The following GOLGA8H variants were observed in gnomAD, a reference collection of about 807,000 sequenced individuals.
The protein encoded by GOLGA8H is golgin A8 family member H, also known as golgin subfamily A member 8H.
GOLGA8H carries 47 observed loss-of-function variants against 82.7 expected under a neutral mutation model. The ratio of observed to expected loss-of-function variants is 0.57; its 90% confidence interval spans 0.45 to 0.73. GOLGA8H has a LOEUF of 0.73. GOLGA8H is among the 30% of genes least tolerant of loss of function. GOLGA8H has a pLI of 0.00. For synonymous variants in GOLGA8H, 108 were observed against 241.6 expected (o/e 0.45, Z 5.13); for missense variants, 372 against 661.0 (o/e 0.56, Z 4.79).
Position 30,617,381 on chromosome 15 carries a change from T to C in GOLGA8H, c.*2820T>C, listed in dbSNP as rs968477869. 2 of 150,968 alleles carry C rather than the reference T, an allele frequency of 1.3e-5. No homozygotes were observed. The highest frequency in any genetic ancestry group is 4.9e-5 in the African/African-American group (2 of 41,060). 9.4% of individuals were successfully genotyped at this position (150,968 alleles called of 1,614,324 possible). A position where few individuals can be genotyped will look rare whatever the true frequency, so the allele number is the denominator to read the frequency against. The stretch of plus-strand genomic sequence containing the variant: ...AAAACCAAAGCTGATTTTAGAAAAT[T>C]TGAAAATGTAAATCAGCCCTATCCA... On this transcript the variant is annotated 3_prime_UTR_variant, in exon 19 of 19. Coordinates refer to ENST00000566740, the MANE Select transcript of GOLGA8H (RefSeq NM_001282490.2).
rs1362176322 is a variant in GOLGA8H at position 30,617,475 on chromosome 15, ACTG to A, written c.*2917_*2919del. The A allele has an allele frequency of 6.6e-6, 1 of 150,662 alleles. No homozygotes were observed. The highest frequency in any genetic ancestry group is 1.5e-5 in the Non-Finnish European group (1 of 67,688). The allele number at this position is 150,662 out of a possible 1,614,324, so 9.3% of individuals were successfully genotyped here. On this transcript the variant is annotated 3_prime_UTR_variant, in exon 19 of 19. Coordinates refer to ENST00000566740, the MANE Select transcript of GOLGA8H (RefSeq NM_001282490.2). ...AATAATATAACTATTAAAAAATGTAACTGCTATCTTAATGTTCTGAAATAATTT... is the reference window on the plus strand; with the variant it reads ...AATAATATAACTATTAAAAAATGTAACTATCTTAATGTTCTGAAATAATTT...
rs774702574 is a variant in GOLGA8H at position 30,612,608 on chromosome 15, A to T, written c.1212A>T (p.Glu404Asp). The change falls in exon 14 of 19, where the codon GAA (glutamate) becomes GAT (aspartate). Residue 404 changes from glutamate to aspartate, a missense_variant. Glu to Asp is a conservative substitution (Grantham distance 45). Coordinates refer to ENST00000566740, the MANE Select transcript of GOLGA8H (RefSeq NM_001282490.2). ...TCCTGGCCCCTTAGGAGCACCTGGAAGCTGCCAGCCAGCAGAACCAGCAGC... is the reference window on the plus strand; with the variant it reads ...TCCTGGCCCCTTAGGAGCACCTGGATGCTGCCAGCCAGCAGAACCAGCAGC... The part of the protein sequence containing the change: ...LQEKLGEEHL[E>D]AASQQNQQLT... 2 of 1,595,144 alleles carry T rather than the reference A, an allele frequency of 1.3e-6. No homozygotes were observed. The highest frequency in any genetic ancestry group is 2.2e-5 in the South Asian group (2 of 90,118).
rs2140865230 is a variant in GOLGA8H at position 30,617,569 on chromosome 15, A to G, written c.*3008A>G. ...AAATGGTGGGAACGAAAAGCAGAGA[A>G]AGAAATGCCAATTCCAGTCCAAAGT... On this transcript the variant is annotated 3_prime_UTR_variant, in exon 19 of 19. Transcript: ENST00000566740. The G allele has an allele frequency of 1.3e-5, 2 of 151,640 alleles. No individual in the cohort carries two copies. The highest frequency in any genetic ancestry group is 1.3e-4 in the Admixed American group (2 of 15,210). The allele number at this position is 151,640 out of a possible 1,614,324, so 9.4% of individuals were successfully genotyped here.
At position 30,609,984 on chromosome 15, in the gene GOLGA8H, T is replaced by C; in HGVS notation, c.679-15T>C. The C allele has an allele frequency of 6.2e-7, 1 of 1,610,610 alleles. No homozygotes were observed. The highest frequency in any genetic ancestry group is 8.5e-7 in the Non-Finnish European group (1 of 1,179,124). ...CAGTGACAGCCCTTCCTAAGTTCTG[T>C]GCCCATTCTTGCAGTTGAAGGAGTC... On this transcript the variant is annotated splice_polypyrimidine_tract_variant and intron_variant, in intron 9 of 18. Coordinates refer to ENST00000566740, the MANE Select transcript of GOLGA8H (RefSeq NM_001282490.2).
At position 30,604,039 on chromosome 15, in the gene GOLGA8H, T is replaced by TG; in HGVS notation, c.-86dup. The TG allele has an allele frequency of 7.1e-7, 1 of 1,402,576 alleles. No individual in the cohort carries two copies. The highest frequency in any genetic ancestry group is 1.2e-5 in the South Asian group (1 of 85,204). The allele number at this position is 1,402,576 out of a possible 1,614,324, so 86.9% of individuals were successfully genotyped here. A position where few individuals can be genotyped will look rare whatever the true frequency, so the allele number is the denominator to read the frequency against. ...GCCTCCTCTGGCTCACTCACACAGC[T>TG]GCCTGGTAGGTGACTGGAGGCCTTG... On this transcript the variant is annotated 5_prime_UTR_variant, in exon 1 of 19. Transcript: ENST00000566740.
Position 30,616,658 on chromosome 15 carries a change from C to G in GOLGA8H, c.*2097C>G, listed in dbSNP as rs1277057677. Among the ~76,000 whole-genome samples, 1 of 146,366 alleles carries G rather than the reference C, an allele frequency of 6.8e-6. No individual in the cohort carries two copies. Among genetic ancestry groups the G allele is most frequent in the Non-Finnish European group, 1.5e-5 (1 of 66,316 alleles). ...GCATTCTTTGAGTTCAGTTTAAAGA[C>G]AGTTACTTTAAGAGCATTTTAAACC... On this transcript the variant is annotated 3_prime_UTR_variant, in exon 19 of 19. Transcript: ENST00000566740.
intron 1 of GOLGA8H, 82 bp from the exon 2 acceptor site, chr15:30,605,761 G>A: frequency 2.6e-6 from 4 of 1,558,114 alleles, no homozygotes; most frequent in South Asian, 1.2e-5. Context: ...GTGTGTAAGT[G>A]TATTTTGTAA....
rs200680656 is a variant in GOLGA8H at position 30,613,869 on chromosome 15, C to T, written c.1468C>T (p.Gln490Ter). ...FIHHWRDRCH[Q>*]KTHHLLSEPG... is the part of the protein sequence containing the mutation. ...CCACCACTGGCGAGACAGATGCCAT[C>T]AGTGAGTGGGAGGCCAGGGCACGGC... Residue 490 changes from glutamine to a stop codon, truncating the protein, a stop_gained and splice_region_variant, in exon 16 of 19, where the codon CAG (glutamine) becomes TAG (stop). Transcript: ENST00000566740. LOFTEE classifies it high-confidence loss of function. The T allele has an allele frequency of 4.6e-3, 7,334 of 1,604,634 alleles. 167 individuals carry two copies. Among genetic ancestry groups the T allele is most frequent in the Non-Finnish European group, 5.7e-3 (6,687 of 1,178,866 alleles).
Position 30,616,965 on chromosome 15 carries a change from A to T in GOLGA8H, c.*2404A>T, listed in dbSNP as rs2060111218. The T allele has an allele frequency of 6.7e-6, 1 of 148,160 alleles. No homozygotes were observed. The highest frequency in any genetic ancestry group is 1.5e-5 in the Non-Finnish European group (1 of 67,144). The allele number at this position is 148,160 out of a possible 1,614,324, so 9.2% of individuals were successfully genotyped here. A position where few individuals can be genotyped will look rare whatever the true frequency, so the allele number is the denominator to read the frequency against. ...ATTTAAGCTGAAGGTCAGTCTGGAAAATAAATTTACTATATTGACTGAAAT... is the reference window on the plus strand; with the variant it reads ...ATTTAAGCTGAAGGTCAGTCTGGAATATAAATTTACTATATTGACTGAAAT... On this transcript the variant is annotated 3_prime_UTR_variant, in exon 19 of 19. Coordinates refer to ENST00000566740, the MANE Select transcript of GOLGA8H (RefSeq NM_001282490.2).
rs1451767581 is a variant in GOLGA8H, at chr15:30,610,022, C to G, written c.702C>G (p.Val234=). The part of the protein sequence containing the change: ...LTQLKESFQQ[V]QLERDECAEH... ...AGTTGAAGGAGTCATTTCAACAAGT[C>G]CAATTAGAAAGAGATGAGTGTGCTG... The change falls in exon 10 of 19, where the codon GTC becomes GTG. Residue 234 remains valine, a synonymous_variant. Coordinates refer to ENST00000566740, the MANE Select transcript of GOLGA8H (RefSeq NM_001282490.2). 1 of 1,611,606 alleles carries G rather than the reference C, an allele frequency of 6.2e-7. No homozygotes were observed. The highest frequency in any genetic ancestry group is 1.7e-5 in the Admixed American group (1 of 59,980).
chr15:30,605,784 A>G, intron 1 of GOLGA8H, 59 bp from the exon 2 acceptor site: 1 of 1,584,738 alleles, frequency 6.3e-7, no homozygotes, highest in Non-Finnish European at 8.5e-7. Flanking sequence ...ACTGTAAAGG[A>G]GGATGTGGCT....
rs548156114 is a variant in GOLGA8H, at chr15:30,614,522, A to G, written c.1860A>G (p.Pro620=). 6.2e-7 allele frequency: 1 copy of G among 1,603,872 alleles called. No individual in the cohort carries two copies. Residue 620 remains proline, a synonymous_variant, in exon 19 of 19, where the codon CCA becomes CCG. Coordinates refer to ENST00000566740, the MANE Select transcript of GOLGA8H (RefSeq NM_001282490.2). ...HPGLGSNCCV[P]LLCWAWLPRR... Reference sequence around the variant, plus strand: ...GCTTGGGCAGCAACTGCTGTGTGCCATTGTTGTGCTGGGCTTGGCTGCCAA... The same window carrying G: ...GCTTGGGCAGCAACTGCTGTGTGCCGTTGTTGTGCTGGGCTTGGCTGCCAA...
At chr15:30,607,657 C>A (rs1427750098) in intron 4 of GOLGA8H, 8 of 496,834 alleles carry the variant, frequency 1.6e-5, no homozygotes, top group Admixed American at 3.4e-5. Context: ...CTTTTCCATC[C>A]TATATCTGCT....
At chr15:30,610,560 T>G (rs1031612738) in intron 11 of GOLGA8H, among the ~76,000 whole-genome samples, 171 bp downstream of exon 11, 40 of 149,604 alleles carry the variant, frequency 2.7e-4, no homozygotes, top group Non-Finnish European at 5.0e-4. Flanking sequence ...AGTGTCTCAG[T>G]GTCCCCATCA....
At chr15:30,611,737 T>C (rs1157230080) in intron 13 of GOLGA8H, among the ~76,000 whole-genome samples, 1 of 93,618 alleles carries the variant, frequency 1.1e-5, no homozygotes. Context: ...TAAAACCTCA[T>C]CTCTACTAAA....
chr15:30,616,188 CA>C lies in GOLGA8H; in HGVS notation c.*1629del, dbSNP rs2060103770. 6.6e-6 allele frequency among the ~76,000 whole-genome samples: 1 copy of C among 151,568 alleles called. No individual in the cohort carries two copies. The highest frequency in any genetic ancestry group is 1.5e-5 in the Non-Finnish European group (1 of 67,908). On this transcript the variant is annotated 3_prime_UTR_variant, in exon 19 of 19. Coordinates refer to ENST00000566740, the MANE Select transcript of GOLGA8H (RefSeq NM_001282490.2). ...AACTTGATGATGCTTGGGAAAGACT[CA>C]ACAGTTCAAACTTCATGAAGTTCTA...
chr15:30,610,524 C>T (rs1308355391), intron 11 of GOLGA8H, 135 bp downstream of exon 11: 13 of 676,404 alleles, frequency 1.9e-5, no homozygotes, highest in East Asian at 8.1e-5. Context: ...CAGGAGACGG[C>T]GAGTCTTGTC....
chr15:30,611,090 A>G, intron 12 of GOLGA8H, 68 bp downstream of exon 12: 4 of 572,770 alleles, frequency 7.0e-6, no homozygotes, highest in Non-Finnish European at 1.2e-5. Context: ...CCCCACCTCT[A>G]AAATGGGGCA....
In GOLGA8H at chr15:30,616,005, C is replaced by G. The variant is rs1046397782; in HGVS notation, c.*1444C>G. On this transcript the variant is annotated 3_prime_UTR_variant, in exon 19 of 19. Transcript: ENST00000566740. The stretch of plus-strand genomic sequence containing the variant: ...TGTATTATCAGGAAACGTGTCTATA[C>G]AATCACAGAGCTATATTTTCTCACA... 2.6e-5 allele frequency among the ~76,000 whole-genome samples: 4 copies of G among 151,772 alleles called. No homozygotes were observed. Among genetic ancestry groups the G allele is most frequent in the African/African-American group, 4.8e-5 (2 of 41,294 alleles).
Sources: gnomAD v4.1 joint callset for allele counts (sites outside exome capture counted in the v4.1 genomes callset) on GRCh38, gnomAD v4.1.1 for gene constraint, MANE v1.5 for transcripts, NCBI Gene and HGNC (gene_info 2026-07-23, HGNC 2026-07-21) for gene names.